Variants in CEP128 observed in about 807,000 individuals in gnomAD.
CEP128 encodes centrosomal protein 128.
Under a neutral mutation model 156.7 loss-of-function variants are expected in CEP128, and 132 were observed. That is an observed-to-expected ratio of 0.84 (90% CI 0.73 to 0.97). The LOEUF is 0.97. Ranked by LOEUF, CEP128 falls within the 50% of genes least tolerant of loss-of-function variation. The pLI is 0.00. For synonymous variants in CEP128, 469 were observed against 448.9 expected, an observed-to-expected ratio of 1.04 and a Z score of -0.57; for missense variants, 1,252 against 1,281.9, an observed-to-expected ratio of 0.98 and a Z score of 0.36.
chr14:80,844,951 A>C (rs1298340067), intron 9 of CEP128, among the ~76,000 whole-genome samples: 1 of 151,970 alleles, frequency 6.6e-6, no homozygotes, highest in Non-Finnish European at 1.5e-5. Flanking sequence ...GTGCCAATGA[A>C]CCCAAACAAG....
rs180879945 is a variant in CEP128 at position 80,526,052 on chromosome 14, C to T, written c.3072+817G>A. ...GAATATAGATGGACTCTCTCTGGGT[C>T]AGCATTCTCAACAGGGGGCATCTTT... On this transcript the variant is annotated intron_variant, in intron 23 of 24. Coordinates refer to ENST00000555265, the MANE Select transcript of CEP128 (RefSeq NM_152446.5). Among the ~76,000 whole-genome samples the T allele has an allele frequency of 1.2e-3, 183 of 152,066 alleles. 5 individuals are homozygous for T. The highest frequency in any genetic ancestry group is 0.012 in the Admixed American group (183 of 15,262).
At chr14:80,732,471 G>GGTGT (rs10672093) in intron 19 of CEP128, among the ~76,000 whole-genome samples, 20,310 of 127,482 alleles carry the variant, frequency 0.16, 1,761 homozygotes, top group Non-Finnish European at 0.18. Flanking sequence ...TGATTAAGCA[G>GGTGT]GTGTGTGTGT....
intron 19 of CEP128, among the ~76,000 whole-genome samples, chr14:80,705,182 G>T (rs1343424029): frequency 6.6e-6 from 1 of 151,606 alleles, no homozygotes; most frequent in African/African-American, 2.4e-5. Flanking sequence ...TTGTCTGTTT[G>T]GACTGGAATC....
At chr14:80,676,451 TTA>T (rs1491432571) in intron 19 of CEP128, among the ~76,000 whole-genome samples, 3 of 150,928 alleles carry the variant, frequency 2.0e-5, no homozygotes, top group African/African-American at 7.3e-5. Flanking sequence ...GTGATTTTTT[TTA>T]AAAAAAAAAT....
At chr14:80,515,500 C>G (rs1163667189) in intron 23 of CEP128, among the ~76,000 whole-genome samples, 4 of 152,334 alleles carry the variant, frequency 2.6e-5, no homozygotes, top group East Asian at 3.9e-4. Context: ...ATGATGAGTA[C>G]TGCCTGACTA....
chr14:80,518,057 C>G (rs897987039), intron 23 of CEP128, among the ~76,000 whole-genome samples: 1 of 150,684 alleles, frequency 6.6e-6, no homozygotes, highest in Non-Finnish European at 1.5e-5. Context: ...CGTGCAGTTG[C>G]AAGATTCAAT....
chr14:80,485,748 TTTTCTCGAGTGGAAGGC>T (rs1887149037), downstream of CEP128, among the ~76,000 whole-genome samples: 1 of 151,648 alleles, frequency 6.6e-6, no homozygotes, highest in Non-Finnish European at 1.5e-5. Context: ...GGAAATAATG[TTTTCTCGAGTGGAAGGC>T]CACTAGTGCT....
chr14:80,664,550 C>A (rs1378992293), intron 19 of CEP128, among the ~76,000 whole-genome samples: 1 of 151,962 alleles, frequency 6.6e-6, no homozygotes, highest in Non-Finnish European at 1.5e-5. Flanking sequence ...TGAACAACTA[C>A]TTACAATAGC....
At chr14:80,689,290 C>CAAA (rs57054840) in intron 19 of CEP128, among the ~76,000 whole-genome samples, 56 of 96,624 alleles carry the variant, frequency 5.8e-4, no homozygotes, top group Non-Finnish European at 8.3e-4. Flanking sequence ...GACTCCGTCT[C>CAAA]AAAAAAAAAA....
chr14:80,720,086 T>C (rs1897758003), intron 19 of CEP128, among the ~76,000 whole-genome samples: 1 of 151,790 alleles, frequency 6.6e-6, no homozygotes, highest in African/African-American at 2.4e-5. Context: ...GCCAAAGCTA[T>C]GTGCATAGGG....
chr14:80,501,036 T>C (rs545722597), intron 24 of CEP128, among the ~76,000 whole-genome samples: 1 of 152,284 alleles, frequency 6.6e-6, no homozygotes, highest in Admixed American at 6.5e-5. Flanking sequence ...TAGTAGTCTT[T>C]TTTTTTTTAA....
At chr14:80,693,232 C>A (rs1390533762) in intron 19 of CEP128, among the ~76,000 whole-genome samples, 1 of 152,138 alleles carries the variant, frequency 6.6e-6, no homozygotes, top group Non-Finnish European at 1.5e-5. Flanking sequence ...TCAGTTTCAA[C>A]CTGTTTTCAA....
chr14:80,517,244 A>T (rs892236139), intron 23 of CEP128, among the ~76,000 whole-genome samples: 1 of 151,880 alleles, frequency 6.6e-6, no homozygotes, highest in Non-Finnish European at 1.5e-5. Flanking sequence ...TAAATTTACT[A>T]TATCCTTGCT....
chr14:80,699,291 C>A (rs1282812737), intron 19 of CEP128, among the ~76,000 whole-genome samples: 1 of 152,170 alleles, frequency 6.6e-6, no homozygotes. Flanking sequence ...TCCAACTCCT[C>A]CTATCTCTAT....
intron 19 of CEP128, among the ~76,000 whole-genome samples, chr14:80,640,404 T>C (rs1894358574): frequency 6.6e-6 from 1 of 152,196 alleles, no homozygotes; most frequent in Non-Finnish European, 1.5e-5. Context: ...CAAGCTACTA[T>C]AAAAGGGCTC....
chr14:80,826,954 G>A (rs1041611682), intron 13 of CEP128, among the ~76,000 whole-genome samples: 2 of 152,186 alleles, frequency 1.3e-5, no homozygotes, highest in Admixed American at 6.5e-5. Context: ...GAAGGGAAAA[G>A]TGTACTTAGT....
chr14:80,715,116 G>T (rs759191927), intron 19 of CEP128, among the ~76,000 whole-genome samples: 1 of 151,904 alleles, frequency 6.6e-6, no homozygotes, highest in Non-Finnish European at 1.5e-5. Flanking sequence ...CAAGCTACTC[G>T]GAAGGCTGAG....
intron 2 of CEP128, chr14:80,955,118 A>C: frequency 5.3e-6 from 1 of 187,398 alleles, no homozygotes; most frequent in Non-Finnish European, 1.1e-5. Flanking sequence ...CCCTCAGCAG[A>C]GGTGTCTCTG....
chr14:80,955,454 A>G (rs1886610544), intron 2 of CEP128: 1 of 601,430 alleles, frequency 1.7e-6, no homozygotes, highest in South Asian at 1.9e-5. Context: ...AAGTGAAGCA[A>G]GCAGACTTGT....
Sources: allele counts gnomAD v4.1 joint callset (sites outside exome capture counted in the v4.1 genomes callset), GRCh38; gene constraint gnomAD v4.1.1; transcripts MANE v1.5; gene names NCBI Gene and HGNC (gene_info 2026-07-23, HGNC 2026-07-21).